Variants in STK39 observed in about 807,000 individuals in gnomAD.
The protein encoded by STK39 is serine/threonine kinase 39, also known as STE20/SPS1-related proline-alanine-rich protein kinase.
A neutral mutation model predicts 77.8 loss-of-function variants in STK39; 20 were observed. That is an observed-to-expected ratio of 0.26 (90% CI 0.18 to 0.37). The LOEUF (loss-of-function observed/expected upper bound fraction) is 0.37, where lower values mean the gene tolerates loss of function less well. Among genes scored for constraint, STK39 ranks in the 10% least tolerant of loss-of-function variants. The pLI is 1.00. For synonymous variants in STK39, 246 were observed against 234.1 expected, an observed-to-expected ratio of 1.05 and a Z score of -0.47; for missense variants, 479 against 656.5, an observed-to-expected ratio of 0.73 and a Z score of 2.95.
intron 17 of STK39, 112 bp from the exon 18 acceptor site, chr2:167,955,682 G>A: frequency 3.0e-6 from 3 of 988,636 alleles, no homozygotes; most frequent in Non-Finnish European, 3.0e-6. Flanking sequence ...ATGGGACCAT[G>A]TGTCCCATTT....
chr2:168,058,260 T>C (rs1685576045), intron 14 of STK39, among the ~76,000 whole-genome samples: 1 of 152,254 alleles, frequency 6.6e-6, no homozygotes, highest in Non-Finnish European at 1.5e-5. Context: ...ACTTGACCTA[T>C]TGATAGCATT....
At chr2:168,235,424 G>A (rs183661885) in intron 1 of STK39, among the ~76,000 whole-genome samples, 13 of 150,558 alleles carry the variant, frequency 8.6e-5, no homozygotes, top group African/African-American at 3.2e-4. Context: ...CTGAATTAGG[G>A]CAGAATCACG....
At chr2:167,995,296 G>A (rs890984343) in intron 16 of STK39, among the ~76,000 whole-genome samples, 4 of 152,026 alleles carry the variant, frequency 2.6e-5, no homozygotes, top group African/African-American at 7.2e-5. Context: ...TTTTAGTAGA[G>A]ACGGGGTTTC....
At chr2:168,118,794 T>C (rs187607127) in intron 10 of STK39, among the ~76,000 whole-genome samples, 1 of 152,104 alleles carries the variant, frequency 6.6e-6, no homozygotes, top group Non-Finnish European at 1.5e-5. Flanking sequence ...TTTTACAGAC[T>C]GGTAAGCAAT....
At chr2:168,192,409 C>A (rs896257155) in intron 1 of STK39, among the ~76,000 whole-genome samples, 1 of 152,124 alleles carries the variant, frequency 6.6e-6, no homozygotes, top group Non-Finnish European at 1.5e-5. Flanking sequence ...AATAGCCAGG[C>A]TTTTAAAAAA....
intron 16 of STK39, among the ~76,000 whole-genome samples, chr2:167,986,590 A>G (rs1683565397): frequency 6.6e-6 from 1 of 152,206 alleles, no homozygotes; most frequent in African/African-American, 2.4e-5. Flanking sequence ...ATACCTGAGC[A>G]CCAGAAATGG....
chr2:168,051,309 G>A (rs1188609252), intron 14 of STK39, among the ~76,000 whole-genome samples: 1 of 152,128 alleles, frequency 6.6e-6, no homozygotes, highest in East Asian at 1.9e-4. Context: ...CGACAGGAAG[G>A]ATAACTTAAA....
chr2:168,061,731 T>C (rs1298724887), intron 14 of STK39, among the ~76,000 whole-genome samples: 3 of 152,186 alleles, frequency 2.0e-5, no homozygotes, highest in Non-Finnish European at 1.5e-5. Flanking sequence ...TAAAGATTCT[T>C]ATAGTATTTT....
At chr2:168,097,239 C>T (rs1307059768) in intron 10 of STK39, among the ~76,000 whole-genome samples, 2 of 152,214 alleles carry the variant, frequency 1.3e-5, no homozygotes, top group Non-Finnish European at 2.9e-5. Flanking sequence ...ATGTAAAGTG[C>T]CCCTTGTGCA....
intron 1 of STK39, among the ~76,000 whole-genome samples, chr2:168,197,106 T>A (rs1689490267): frequency 6.6e-6 from 1 of 152,074 alleles, no homozygotes; most frequent in East Asian, 1.9e-4. Flanking sequence ...TACAGCCTGG[T>A]TGGTTAGGGT....
rs567675524 is a variant in STK39 at position 168,095,623 on chromosome 2, C to CTT, written c.1090-20394_1090-20393dup. Reference sequence around the variant, plus strand: ...CTGCTAGCCACTCGTGTATCTCTTTCTTTTTTTTTTTTTTTTTTTTTAAGA... The same window carrying CTT: ...CTGCTAGCCACTCGTGTATCTCTTTCTTTTTTTTTTTTTTTTTTTTTTTAAGA... On this transcript the variant is annotated intron_variant, in intron 10 of 17. Coordinates refer to ENST00000355999, the MANE Select transcript of STK39 (RefSeq NM_013233.3). 6.8e-3 allele frequency among the ~76,000 whole-genome samples: 791 copies of CTT among 116,050 alleles called. 13 individuals carry two copies. The highest frequency in any genetic ancestry group is 0.039 in the Middle Eastern group (8 of 204). The allele number at this position is 116,050 out of a possible 152,430, so 76.1% of individuals were successfully genotyped here. A position where few individuals can be genotyped will look rare whatever the true frequency, so the allele number is the denominator to read the frequency against.
chr2:168,222,724 G>A (rs1690205936), intron 1 of STK39, among the ~76,000 whole-genome samples: 1 of 152,148 alleles, frequency 6.6e-6, no homozygotes, highest in African/African-American at 2.4e-5. Context: ...CTTAACTAAT[G>A]TTTATTGCAT....
intron 16 of STK39, among the ~76,000 whole-genome samples, chr2:167,966,678 G>T (rs1371244719): frequency 1.3e-5 from 2 of 152,178 alleles, no homozygotes; most frequent in Non-Finnish European, 2.9e-5. Context: ...CTAAGGGCAA[G>T]ATGGAGCTGC....
chr2:168,226,200 A>G (rs1008924231), intron 1 of STK39, among the ~76,000 whole-genome samples: 3 of 152,226 alleles, frequency 2.0e-5, no homozygotes, highest in African/African-American at 7.2e-5. Flanking sequence ...TAGAGGATCC[A>G]GAATAGTGAG....
chr2:168,155,049 A>G (rs1333732891), intron 5 of STK39, among the ~76,000 whole-genome samples: 1 of 152,206 alleles, frequency 6.6e-6, no homozygotes, highest in Non-Finnish European at 1.5e-5. Context: ...AGGAAAAAAG[A>G]GAGGGAAGGA....
At chr2:167,988,654 A>AG (rs1683621597) in intron 16 of STK39, among the ~76,000 whole-genome samples, 2 of 152,036 alleles carry the variant, frequency 1.3e-5, no homozygotes, top group African/African-American at 4.8e-5. Context: ...TGTTAATATG[A>AG]GAAAAAAAAA....
chr2:168,199,321 T>C (rs1689552537), intron 1 of STK39, among the ~76,000 whole-genome samples: 1 of 152,098 alleles, frequency 6.6e-6, no homozygotes, highest in South Asian at 2.1e-4. Context: ...TCCCAACCTT[T>C]TAGGAGAACA....
At chr2:167,979,352 C>G (rs1461419903) in intron 16 of STK39, among the ~76,000 whole-genome samples, 1 of 152,162 alleles carries the variant, frequency 6.6e-6, no homozygotes, top group African/African-American at 2.4e-5. Context: ...TTAGTATGGT[C>G]AGTCTTTAAT....
chr2:167,962,791 T>C (rs1013591067), intron 17 of STK39, among the ~76,000 whole-genome samples: 4 of 152,142 alleles, frequency 2.6e-5, no homozygotes, highest in South Asian at 2.1e-4. Flanking sequence ...GCCTCCAAGA[T>C]GAATGGCTGT....
Sources: allele counts gnomAD v4.1 joint callset (sites outside exome capture counted in the v4.1 genomes callset), GRCh38; gene constraint gnomAD v4.1.1; transcripts MANE v1.5; gene names NCBI Gene and HGNC (gene_info 2026-07-23, HGNC 2026-07-21).